The following KIF13A variants were observed in gnomAD, a reference collection of about 807,000 sequenced individuals.
The protein encoded by KIF13A is kinesin-like protein KIF13A.
Under a neutral mutation model 212.2 loss-of-function variants are expected in KIF13A, and 79 were observed. The ratio of observed to expected loss-of-function variants is 0.37; its 90% CI spans 0.31 to 0.45. KIF13A has a LOEUF of 0.45. Among genes scored for constraint, KIF13A ranks in the 20% least tolerant of loss-of-function variants. The pLI is 1.00. For synonymous variants in KIF13A, 789 were observed against 808.6 expected, an observed-to-expected ratio of 0.98 and a Z score of 0.41; for missense variants, 1,901 against 2,209.0, an observed-to-expected ratio of 0.86 and a Z score of 2.79.
In KIF13A at chr6:17,850,084, C is replaced by A. The variant is rs1161751264; in HGVS notation, c.717+239G>T. 2.0e-5 allele frequency among the ~76,000 whole-genome samples: 3 copies of A among 152,186 alleles called. No homozygotes were observed. Among genetic ancestry groups the A allele is most frequent in the Admixed American group, 2.0e-4 (3 of 15,274 alleles). ...TCAAGCAATCCTCCCGCCTCAGACT[C>A]CCAAAATGCTGGAATTACAGGCAGG... is the stretch of plus-strand genomic sequence containing the variant. On this transcript the variant is annotated intron_variant, in intron 8 of 38. Transcript: ENST00000259711. The surrounding 1 kb of genome is among the most constrained non-coding windows in gnomAD (Gnocchi z 6.2).
At chr6:17,970,067 C>T (rs1322751572) in intron 2 of KIF13A, among the ~76,000 whole-genome samples, 6 of 151,880 alleles carry the variant, frequency 4.0e-5, no homozygotes, top group Non-Finnish European at 7.4e-5. Context: ...GGATTACAGG[C>T]GCCCGCCACC....
At chr6:17,976,457 G>A (rs1001146721) in intron 2 of KIF13A, among the ~76,000 whole-genome samples, 2 of 152,186 alleles carry the variant, frequency 1.3e-5, no homozygotes, top group African/African-American at 4.8e-5. Context: ...GCCCGGGGCC[G>A]GCAAGGCCGG....
downstream of KIF13A, chr6:17,759,901 G>A (rs9371016): frequency 0.28 from 38,776 of 136,164 alleles, 5,881 homozygotes; most frequent in East Asian, 0.57. Flanking sequence ...GGCTGTCCTT[G>A]TGTTTTCTTA....
chr6:17,986,579 C>T (rs1476373794), intron 2 of KIF13A, among the ~76,000 whole-genome samples: 2 of 152,230 alleles, frequency 1.3e-5, no homozygotes, highest in Non-Finnish European at 2.9e-5. Flanking sequence ...AAGACTTTTG[C>T]TTTATTTTTT....
chr6:17,876,019 T>C (rs1009195714), intron 3 of KIF13A, among the ~76,000 whole-genome samples: 1 of 152,190 alleles, frequency 6.6e-6, no homozygotes, highest in African/African-American at 2.4e-5. Flanking sequence ...TTTGATTGTT[T>C]AACATTTTAT....
downstream of KIF13A, among the ~76,000 whole-genome samples, chr6:17,761,384 A>G (rs62394098): frequency 6.7e-6 from 1 of 148,676 alleles, no homozygotes; most frequent in Admixed American, 6.7e-5. Flanking sequence ...CCTGGCCGCC[A>G]AAATTTTTTT....
chr6:17,882,952 T>C (rs1461707893), intron 3 of KIF13A, among the ~76,000 whole-genome samples: 4 of 152,244 alleles, frequency 2.6e-5, no homozygotes, highest in Admixed American at 1.3e-4. Flanking sequence ...TATATATGTA[T>C]ACATCTATTT....
In KIF13A at chr6:17,898,525, C is replaced by G. The variant is rs1164150478; in HGVS notation, c.147-345G>C. Among the ~76,000 whole-genome samples, 1 of 152,090 alleles carries G rather than the reference C, an allele frequency of 6.6e-6. No homozygotes were observed. Among genetic ancestry groups the G allele is most frequent in the South Asian group, 2.1e-4 (1 of 4,830 alleles). On this transcript the variant is annotated intron_variant, in intron 2 of 38. Coordinates refer to ENST00000259711, the MANE Select transcript of KIF13A (RefSeq NM_022113.6). The surrounding 1 kb of genome is among the most constrained non-coding windows in gnomAD (Gnocchi z 5.2). Reference sequence around the variant, plus strand: ...AAGAAAGATGCCACAATCCTTACTGCATGTGATTAAATATTTTTAAATCAA... The same window carrying G: ...AAGAAAGATGCCACAATCCTTACTGGATGTGATTAAATATTTTTAAATCAA...
chr6:17,966,647 T>C (rs1779342578), intron 2 of KIF13A, among the ~76,000 whole-genome samples: 4 of 152,108 alleles, frequency 2.6e-5, no homozygotes, highest in Admixed American at 2.6e-4. Flanking sequence ...CATGGATCGG[T>C]ATGGATTCAC....
At chr6:17,804,832 A>G (rs1157675074) in intron 19 of KIF13A, among the ~76,000 whole-genome samples, 1 of 147,824 alleles carries the variant, frequency 6.8e-6, no homozygotes, top group African/African-American at 2.5e-5. Flanking sequence ...AAAAAAAAAA[A>G]AAAAAAAAAA....
Position 17,817,018 on chromosome 6 carries a change from A to C in KIF13A, c.2000+2T>G. 1 of 1,608,734 alleles carries C rather than the reference A, an allele frequency of 6.2e-7. No individual in the cohort carries two copies. The highest frequency in any genetic ancestry group is 8.5e-7 in the Non-Finnish European group (1 of 1,178,462). The stretch of plus-strand genomic sequence containing the variant: ...CTGGGCTGCCCCCGCTGCAGTTCTT[A>C]CCTCTCTTCTGCCCACTGGGTCACC... On this transcript the variant is annotated splice_donor_variant, in intron 17 of 38. Coordinates refer to ENST00000259711, the MANE Select transcript of KIF13A (RefSeq NM_022113.6). LOFTEE classifies it high-confidence loss of function.
rs1262810823 is a variant in KIF13A, at chr6:17,821,981, A to G, written c.1786+3787T>C. The G allele has an allele frequency of 6.1e-6, 9 of 1,480,156 alleles. No homozygotes were observed. In the Admixed American group the frequency reaches 6.1e-5, roughly 10 times the overall value. The allele number at this position is 1,480,156 out of a possible 1,614,324, so 91.7% of individuals were successfully genotyped here. On this transcript the variant is annotated intron_variant, in intron 16 of 38. Transcript: ENST00000259711. ...AGCACTTGCATCAGAGACTGTGTGTATGCCCCAAAGGGAAGCTCCACTGGA... is the reference window on the plus strand; with the variant it reads ...AGCACTTGCATCAGAGACTGTGTGTGTGCCCCAAAGGGAAGCTCCACTGGA...
Position 17,787,936 on chromosome 6 carries a change from CT to C in KIF13A, c.3262-62del. 2 of 950,626 alleles carry C rather than the reference CT, an allele frequency of 2.1e-6. No homozygotes were observed. Among genetic ancestry groups the C allele is most frequent in the Non-Finnish European group, 3.3e-6 (2 of 599,690 alleles). 58.9% of individuals were successfully genotyped at this position (950,626 alleles called of 1,614,324 possible). A position where few individuals can be genotyped will look rare whatever the true frequency, so the allele number is the denominator to read the frequency against. On this transcript the variant is annotated intron_variant, in intron 26 of 38. Transcript: ENST00000259711. This position sits in a 1 kb window ranked among gnomAD's most constrained non-coding sequence, Gnocchi z 4.6. ...TGCACAGACAACGATTTCTTTCTTT[CT>C]TTTTTTAAAAGATGTTTAAATCAAC...
At chr6:17,801,145 C>G (rs1177675265) in intron 20 of KIF13A, among the ~76,000 whole-genome samples, 1 of 152,050 alleles carries the variant, frequency 6.6e-6, no homozygotes, top group East Asian at 1.9e-4. Context: ...AAAATAAAAA[C>G]ACAGGTTCTG....
chr6:17,764,104 A>T lies in KIF13A; in HGVS notation c.*6T>A. On this transcript the variant is annotated 3_prime_UTR_variant, in exon 39 of 39. Coordinates refer to ENST00000259711, the MANE Select transcript of KIF13A (RefSeq NM_022113.6). The surrounding 1 kb of genome is among the most constrained non-coding windows in gnomAD (Gnocchi z 5.1). ...GCCTCTGGGGTTGACATACAGTTAG[A>T]CATACTCATTGACAGCACAGAACCC... 4 of 1,612,720 alleles carry T rather than the reference A, an allele frequency of 2.5e-6. No homozygotes were observed. Among genetic ancestry groups the T allele is most frequent in the Non-Finnish European group, 3.4e-6 (4 of 1,179,122 alleles).
At chr6:17,866,813 A>G (rs1769413678) in intron 4 of KIF13A, among the ~76,000 whole-genome samples, 1 of 142,506 alleles carries the variant, frequency 7.0e-6, no homozygotes, top group South Asian at 2.3e-4. Flanking sequence ...TAAAGGGGAG[A>G]ACAAAAAAGC....
At chr6:17,833,162 T>C (rs1765609240) in intron 12 of KIF13A, among the ~76,000 whole-genome samples, 1 of 151,862 alleles carries the variant, frequency 6.6e-6, no homozygotes, top group South Asian at 2.1e-4. Flanking sequence ...CAGGCCAAAC[T>C]GTACATTGAT....
In KIF13A at chr6:17,961,177, A is replaced by T. The variant is rs914380907; in HGVS notation, c.146+25877T>A. ...ATGTGAGTTTGCAGAGAGGAGGCTA[A>T]AAGAGCACTTCAAACTGGAGAAAAT... On this transcript the variant is annotated intron_variant, in intron 2 of 38. Coordinates refer to ENST00000259711, the MANE Select transcript of KIF13A (RefSeq NM_022113.6). This position sits in a 1 kb window ranked among gnomAD's most constrained non-coding sequence, Gnocchi z 4.1. 6.6e-6 allele frequency among the ~76,000 whole-genome samples: 1 copy of T among 152,166 alleles called. No individual in the cohort carries two copies. The highest frequency in any genetic ancestry group is 2.4e-5 in the African/African-American group (1 of 41,454).
chr6:17,791,901 CAAA>C (rs57423111), intron 25 of KIF13A, among the ~76,000 whole-genome samples: 2 of 89,964 alleles, frequency 2.2e-5, no homozygotes, highest in Admixed American at 1.3e-4. Flanking sequence ...GACTCTGTCT[CAAA>C]AAAAAAAAAA....
Sources: gnomAD v4.1 joint callset for allele counts (sites outside exome capture counted in the v4.1 genomes callset) on GRCh38, gnomAD v4.1.1 for gene constraint, Gnocchi (gnomAD v3.1) non-coding constraint, MANE v1.5 for transcripts, NCBI Gene and HGNC (gene_info 2026-07-23, HGNC 2026-07-21) for gene names.